The following SUPT7L variants were observed in gnomAD, a reference collection of about 807,000 sequenced individuals.
SUPT7L encodes SPT7 like, STAGA complex subunit gamma.
SUPT7L carries 15 observed loss-of-function variants against 35.7 expected under a neutral mutation model. The ratio of observed to expected loss-of-function variants is 0.42; its 90% CI spans 0.28 to 0.65. The LOEUF (loss-of-function observed/expected upper bound fraction) is 0.65. Ranked by LOEUF, SUPT7L falls within the 30% of genes least tolerant of loss-of-function variation. The probability of loss-of-function intolerance (pLI) is 0.23; values close to 1 mark genes in which losing one functional copy is unlikely to be tolerated. For synonymous variants in SUPT7L, 168 were observed against 186.2 expected (o/e 0.90, Z 0.79); for missense variants, 434 against 522.2 (o/e 0.83, Z 1.65).
chr2:27,650,887 A>G lies in SUPT7L; in HGVS notation c.*2598T>C, dbSNP rs1431832573. ...GCTTGTCATGATTTCAAATTAGAAAATTATATAATTGCAAACAGCTTCACT... is the reference window on the plus strand; with the variant it reads ...GCTTGTCATGATTTCAAATTAGAAAGTTATATAATTGCAAACAGCTTCACT... On this transcript the variant is annotated 3_prime_UTR_variant, in exon 6 of 6. Coordinates refer to ENST00000337768, the MANE Select transcript of SUPT7L (RefSeq NM_014860.3). The G allele has an allele frequency of 6.5e-6, 1 of 152,808 alleles. No homozygotes were observed. The highest frequency in any genetic ancestry group is 1.5e-5 in the Non-Finnish European group (1 of 68,034). The allele number at this position is 152,808 out of a possible 1,614,324, so 9.5% of individuals were successfully genotyped here.
intron 3 of SUPT7L, among the ~76,000 whole-genome samples, chr2:27,660,773 C>T (rs916919640): frequency 2.0e-5 from 3 of 152,190 alleles, no homozygotes; most frequent in African/African-American, 7.2e-5. Context: ...ACATAGTAAG[C>T]ACTCAAAAAA....
At chr2:27,644,708 T>G in the SUPT7L span, among the ~76,000 whole-genome samples, 1 of 150,412 alleles carries the variant, frequency 6.6e-6, no homozygotes, top group African/African-American at 2.4e-5. Context: ...CTTAGTGAGT[T>G]TTTTTTTTGG....
chr2:27,647,536 T>G (rs1298512480), downstream of SUPT7L, among the ~76,000 whole-genome samples: 1 of 152,146 alleles, frequency 6.6e-6, no homozygotes, highest in African/African-American at 2.4e-5. Flanking sequence ...CCATCACCCC[T>G]TCCAAGCTGT....
At position 27,661,048 on chromosome 2, in the gene SUPT7L, C is replaced by A. The variant is rs775824239; in HGVS notation, c.355G>T (p.Asp119Tyr). 2.5e-6 allele frequency: 4 copies of A among 1,614,016 alleles called. No individual in the cohort carries two copies. The highest frequency in any genetic ancestry group is 3.4e-6 in the Non-Finnish European group (4 of 1,180,022). Reference protein sequence around the residue: ...PPLPDDLLPLDCKNPNAPFQI... With the variant: ...PPLPDDLLPLYCKNPNAPFQI... ...AATGGTGCATTGGGATTCTTACAATCTAAAGGCAGGAGGTCATCAGGGAGA... is the reference window on the plus strand; with the variant it reads ...AATGGTGCATTGGGATTCTTACAATATAAAGGCAGGAGGTCATCAGGGAGA... The change falls in exon 3 of 6, where the codon GAT becomes TAT. Residue 119 changes from aspartate (D) to tyrosine (Y), a missense_variant. This residue lies in a region of SUPT7L where 198 missense variants were observed against 190.8 expected (regional missense o/e 1.04). Coordinates refer to ENST00000337768, the MANE Select transcript of SUPT7L (RefSeq NM_014860.3).
chr2:27,653,740 C>T lies in SUPT7L; in HGVS notation c.990G>A (p.Glu330=), dbSNP rs138396494. The change falls in exon 6 of 6, where the codon GAG becomes GAA. Residue 330 remains glutamate, a synonymous_variant. Transcript: ENST00000337768. ...VEASPQASSA[E]VNASPLWNLA... is the part of the protein sequence containing the mutation. ...GATTCCAAAGAGGAGAAGCATTTAC[C>T]TCTGCACCTAGAAACAGAGGAAAGA... The T allele has an allele frequency of 4.5e-5, 72 of 1,614,198 alleles. No homozygotes were observed. In the African/African-American group the frequency reaches 7.2e-4, roughly 16 times the overall value.
the SUPT7L span, among the ~76,000 whole-genome samples, chr2:27,645,077 CCT>C: frequency 1.5e-3 from 235 of 152,222 alleles, 1 homozygote; most frequent in African/African-American, 2.6e-3. Context: ...AAGCATTCCC[CCT>C]GTCTCAGCCT....
At chr2:27,659,449 A>G (rs927153317) in intron 3 of SUPT7L, among the ~76,000 whole-genome samples, 10 of 152,196 alleles carry the variant, frequency 6.6e-5, no homozygotes, top group Non-Finnish European at 1.2e-4. Context: ...AAATCCAGTA[A>G]TTGGGACATT....
rs999786622 is a variant in SUPT7L, at chr2:27,655,692, A to G, written c.745-90T>C. 83 of 1,102,348 alleles carry G rather than the reference A, an allele frequency of 7.5e-5. No individual in the cohort carries two copies. The African/African-American group carries it at 1.2e-3, about 16-fold the overall frequency. The allele number at this position is 1,102,348 out of a possible 1,614,324, so 68.3% of individuals were successfully genotyped here. ...GACGTCCCATGGAAAAGCCAACAGAACATGAATAACAGAATTTTAAAACAT... is the reference window on the plus strand; with the variant it reads ...GACGTCCCATGGAAAAGCCAACAGAGCATGAATAACAGAATTTTAAAACAT... On this transcript the variant is annotated intron_variant, in intron 4 of 5. Coordinates refer to ENST00000337768, the MANE Select transcript of SUPT7L (RefSeq NM_014860.3).
rs1305676017 is a variant in SUPT7L, at chr2:27,655,383, C to G, written c.964G>C (p.Ala322Pro). ...GTCTTACTTGAAGCCTGTGGTGAAG[C>G]TTCAACCTCCAGGTTAGATGGGAAG... ...ERFPSNLEVE[A>P]SPQASSAEVN... The change falls in exon 5 of 6, where the codon GCT becomes CCT. Residue 322 changes from alanine to proline, a missense_variant. Around this residue, in one of 3 missense-constraint regions of SUPT7L, gnomAD observed 159 missense variants for 217.1 expected, o/e 0.73. Coordinates refer to ENST00000337768, the MANE Select transcript of SUPT7L (RefSeq NM_014860.3). 1 of 1,573,318 alleles carries G rather than the reference C, an allele frequency of 6.4e-7. No individual in the cohort carries two copies. The highest frequency in any genetic ancestry group is 1.4e-5 in the African/African-American group (1 of 73,292).
chr2:27,652,149 A>T lies in SUPT7L; in HGVS notation c.*1336T>A, dbSNP rs953178665. The T allele has an allele frequency of 1.1e-5, 1 of 91,984 alleles. No homozygotes were observed. The highest frequency in any genetic ancestry group is 2.4e-5 in the Non-Finnish European group (1 of 41,962). The allele number at this position is 91,984 out of a possible 1,614,324, so 5.7% of individuals were successfully genotyped here. On this transcript the variant is annotated 3_prime_UTR_variant, in exon 6 of 6. Transcript: ENST00000337768. ...GGTGACAGAGCAAGACTCCATCTCAAAAATAAATAAATAAATAAATAAATT... is the reference window on the plus strand; with the variant it reads ...GGTGACAGAGCAAGACTCCATCTCATAAATAAATAAATAAATAAATAAATT...
In SUPT7L at chr2:27,657,693, T is replaced by A; in HGVS notation, c.420-24A>T. The A allele has an allele frequency of 1.9e-6, 3 of 1,590,504 alleles. No homozygotes were observed. Among genetic ancestry groups the A allele is most frequent in the Non-Finnish European group, 2.6e-6 (3 of 1,166,462 alleles). On this transcript the variant is annotated intron_variant, in intron 3 of 5. Transcript: ENST00000337768. The surrounding 1 kb of genome is among the most constrained non-coding windows in gnomAD (Gnocchi z 5.2). ...CACTGAAAGTGGAGATACGGTGGTG[T>A]TATTAATGTTCTTGCAAAGGGGTGA...
rs1675113215 is a variant in SUPT7L at position 27,661,607 on chromosome 2, T to A, written c.15-219A>T. The A allele has an allele frequency of 2.9e-6, 4 of 1,398,018 alleles. No homozygotes were observed. The East Asian group carries it at 1.1e-4, about 38-fold the overall frequency. The allele number at this position is 1,398,018 out of a possible 1,614,324, so 86.6% of individuals were successfully genotyped here. A position where few individuals can be genotyped will look rare whatever the true frequency, so the allele number is the denominator to read the frequency against. On this transcript the variant is annotated intron_variant, in intron 2 of 5. Coordinates refer to ENST00000337768, the MANE Select transcript of SUPT7L (RefSeq NM_014860.3). ...TAGGACCAAAGGTGTTCTCCCTAAA[T>A]AAATTAAGAGAAATGTAACTGTTAG... is the stretch of plus-strand genomic sequence containing the variant.
At chr2:27,655,221 G>A (rs1318461591) in intron 5 of SUPT7L, 144 bp downstream of exon 5, 4 of 644,744 alleles carry the variant, frequency 6.2e-6, no homozygotes, top group Non-Finnish European at 1.1e-5. Context: ...CTCTAGATAG[G>A]TGAAACTGTA....
At chr2:27,648,054 T>C (rs1674326274), downstream of SUPT7L, 2 of 666,554 alleles carry the variant, frequency 3.0e-6, no homozygotes, top group African/African-American at 3.6e-5. Flanking sequence ...GGATAAAGGA[T>C]ACAGCACCAG....
downstream of SUPT7L, among the ~76,000 whole-genome samples, chr2:27,646,346 C>A (rs1274617565): frequency 6.6e-6 from 1 of 152,160 alleles, no homozygotes; most frequent in East Asian, 1.9e-4. Flanking sequence ...CCAGCCCCAG[C>A]TTGAAATTTA....
At chr2:27,642,844 C>A in the SUPT7L span, among the ~76,000 whole-genome samples, 1 of 151,912 alleles carries the variant, frequency 6.6e-6, no homozygotes, top group Non-Finnish European at 1.5e-5. Flanking sequence ...GGATTACAGG[C>A]ATGAGCCACT....
chr2:27,647,116 GC>G (rs979455165), downstream of SUPT7L, among the ~76,000 whole-genome samples: 18 of 152,102 alleles, frequency 1.2e-4, no homozygotes, highest in Admixed American at 1.2e-3. Context: ...CCTTTTTCAG[GC>G]CCACAGGCCC....
the SUPT7L span, among the ~76,000 whole-genome samples, chr2:27,644,477 A>T: frequency 0.024 from 3,652 of 152,084 alleles, 150 homozygotes; most frequent in African/African-American, 0.084. Context: ...CTTTTATTGC[A>T]TCTGGGATTT....
At chr2:27,650,639 A>G (rs892865984), downstream of SUPT7L, 1 of 153,996 alleles carries the variant, frequency 6.5e-6, no homozygotes, top group Non-Finnish European at 1.5e-5. Context: ...TTGCCCTTCT[A>G]TTAGCAGCCA....
Sources: allele counts gnomAD v4.1 joint callset (sites outside exome capture counted in the v4.1 genomes callset), GRCh38; gene constraint gnomAD v4.1.1; regional missense constraint gnomAD v4.1.1; non-coding constraint Gnocchi (gnomAD v3.1); transcripts MANE v1.5; gene names NCBI Gene and HGNC (gene_info 2026-07-23, HGNC 2026-07-21).